KLHL1: variants seen among roughly 807,000 people sequenced by gnomAD.
The protein encoded by KLHL1 is kelch-like protein 1.
Under a neutral mutation model 77.7 loss-of-function variants are expected in KLHL1, and 47 were observed. The observed-to-expected ratio is 0.60, with a 90% CI of 0.48 to 0.77. The LOEUF (loss-of-function observed/expected upper bound fraction) is 0.77, where lower values mean the gene tolerates loss of function less well. Among genes scored for constraint, KLHL1 ranks in the 30% least tolerant of loss-of-function variants. The pLI is 0.00. For missense variants in KLHL1, 925 were observed against 910.8 expected (o/e 1.02, Z -0.20); for synonymous variants, 360 against 325.2 (o/e 1.11, Z -1.15).
intron 1 of KLHL1, among the ~76,000 whole-genome samples, chr13:70,018,264 A>G (rs1217727402): frequency 6.6e-6 from 1 of 152,202 alleles, no homozygotes. Context: ...TCCTAAAGTT[A>G]TAAATTAGAA....
intron 4 of KLHL1, among the ~76,000 whole-genome samples, chr13:69,896,665 T>A (rs1441425531): frequency 6.7e-6 from 1 of 149,102 alleles, no homozygotes; most frequent in East Asian, 1.9e-4. Flanking sequence ...CGTCAAAGTA[T>A]TAAAATTTTT....
At chr13:70,058,592 A>G (rs968091529) in intron 1 of KLHL1, among the ~76,000 whole-genome samples, 5 of 152,198 alleles carry the variant, frequency 3.3e-5, no homozygotes, top group Non-Finnish European at 5.9e-5. Flanking sequence ...ATGGAAAAAT[A>G]TTGCATGTCC....
rs139366197 is a variant in KLHL1 at position 70,042,078 on chromosome 13, G to C, written c.497+65125C>G. ...CTAGAAAAAGCAGGCTTATCCTAGGGCTTCTTTTTTCCCCACTTCTTGTTG... is the reference window on the plus strand; with the variant it reads ...CTAGAAAAAGCAGGCTTATCCTAGGCCTTCTTTTTTCCCCACTTCTTGTTG... On this transcript the variant is annotated intron_variant, in intron 1 of 10. Transcript: ENST00000377844. Among the ~76,000 whole-genome samples the C allele has an allele frequency of 5.8e-4, 88 of 152,064 alleles. 3 individuals carry two copies. The East Asian group carries it at 0.012, about 20-fold the overall frequency.
chr13:69,834,346 T>TA (rs565424961), intron 6 of KLHL1, among the ~76,000 whole-genome samples: 5 of 151,758 alleles, frequency 3.3e-5, no homozygotes, highest in African/African-American at 7.3e-5. Flanking sequence ...ATCTATTACT[T>TA]AAAAAAAATC....
intron 5 of KLHL1, among the ~76,000 whole-genome samples, chr13:69,855,363 C>G (rs75898010): frequency 0.12 from 17,264 of 139,806 alleles, 1,301 homozygotes; most frequent in African/African-American, 0.17. Flanking sequence ...CAGATAGATA[C>G]ATAGAGAGAT....
chr13:69,862,609 C>T (rs573772251), intron 5 of KLHL1, among the ~76,000 whole-genome samples: 1 of 151,990 alleles, frequency 6.6e-6, no homozygotes, highest in Non-Finnish European at 1.5e-5. Flanking sequence ...AATTGTGTCC[C>T]CTCAAAATTC....
At chr13:70,033,306 T>C (rs1397123440) in intron 1 of KLHL1, among the ~76,000 whole-genome samples, 1 of 152,120 alleles carries the variant, frequency 6.6e-6, no homozygotes, top group Non-Finnish European at 1.5e-5. Context: ...TTGTTTTGTT[T>C]TGAGACAGAG....
At chr13:69,716,491 A>C (rs1325212397) in intron 9 of KLHL1, among the ~76,000 whole-genome samples, 1 of 152,192 alleles carries the variant, frequency 6.6e-6, no homozygotes, top group East Asian at 1.9e-4. Context: ...TTTCTGGTCA[A>C]ATTTGCAATA....
At chr13:69,717,002 A>G (rs1187441979) in intron 9 of KLHL1, among the ~76,000 whole-genome samples, 2 of 152,120 alleles carry the variant, frequency 1.3e-5, no homozygotes, top group African/African-American at 2.4e-5. Context: ...AAACTATTCT[A>G]AAGTCCTCAT....
In KLHL1 at chr13:69,899,666, T is replaced by C. The variant is rs115091984; in HGVS notation, c.1015-17171A>G. ...TTAGTTAGGAACATACACGGCTTTC[T>C]AGGCACTGGCAAATAGCTTTGCTAG... On this transcript the variant is annotated intron_variant, in intron 4 of 10. Coordinates refer to ENST00000377844, the MANE Select transcript of KLHL1 (RefSeq NM_020866.3). Among the ~76,000 whole-genome samples, 948 of 152,228 alleles carry C rather than the reference T, an allele frequency of 6.2e-3. 13 individuals carry two copies. Among genetic ancestry groups the C allele is most frequent in the African/African-American group, 0.022 (917 of 41,538 alleles).
At chr13:69,982,952 G>T (rs910339426) in intron 1 of KLHL1, among the ~76,000 whole-genome samples, 1 of 152,064 alleles carries the variant, frequency 6.6e-6, no homozygotes, top group Non-Finnish European at 1.5e-5. Context: ...GATTTTATAT[G>T]TAGAAAACCT....
chr13:69,722,104 C>T (rs144958985), intron 8 of KLHL1, among the ~76,000 whole-genome samples: 15 of 152,106 alleles, frequency 9.9e-5, no homozygotes, highest in Admixed American at 2.6e-4. Flanking sequence ...TTCTGTGAGA[C>T]ACCTAGCACA....
At chr13:69,935,291 A>G (rs1397898756) in intron 4 of KLHL1, among the ~76,000 whole-genome samples, 1 of 37,084 alleles carries the variant, frequency 2.7e-5, no homozygotes, top group African/African-American at 1.2e-4. Context: ...ATAGCAGTCA[A>G]TAGTCACTAT....
chr13:69,734,257 C>T (rs1301868324), intron 8 of KLHL1, among the ~76,000 whole-genome samples: 1 of 152,106 alleles, frequency 6.6e-6, no homozygotes, highest in East Asian at 1.9e-4. Context: ...GTGCCTGCTC[C>T]CCCCTGGCCT....
At chr13:69,994,253 G>T (rs1366994658) in intron 1 of KLHL1, among the ~76,000 whole-genome samples, 1 of 152,076 alleles carries the variant, frequency 6.6e-6, no homozygotes, top group Non-Finnish European at 1.5e-5. Flanking sequence ...CTATTAATGA[G>T]GCCTGGTTGG....
chr13:70,004,558 T>C (rs1323059702), intron 1 of KLHL1, among the ~76,000 whole-genome samples: 1 of 151,914 alleles, frequency 6.6e-6, no homozygotes, highest in Non-Finnish European at 1.5e-5. Flanking sequence ...TGTATTATAG[T>C]CTTTGTTGAT....
At chr13:69,924,718 CAAG>C (rs532931148) in intron 4 of KLHL1, among the ~76,000 whole-genome samples, 58 of 152,320 alleles carry the variant, frequency 3.8e-4, no homozygotes, top group East Asian at 7.8e-4. Context: ...TTGTGTACAA[CAAG>C]AAGGAGAGAA....
chr13:69,747,632 A>C (rs1874273942), intron 7 of KLHL1, among the ~76,000 whole-genome samples: 1 of 152,026 alleles, frequency 6.6e-6, no homozygotes, highest in African/African-American at 2.4e-5. Flanking sequence ...TCCTATAAGC[A>C]TATAAAAATG....
intron 5 of KLHL1, among the ~76,000 whole-genome samples, chr13:69,881,613 A>C (rs534104308): frequency 1.3e-5 from 2 of 152,320 alleles, no homozygotes; most frequent in South Asian, 4.1e-4. Context: ...TACAAGACTC[A>C]GAATCAGAGA....
Sources: allele counts gnomAD v4.1 joint callset (sites outside exome capture counted in the v4.1 genomes callset), GRCh38; gene constraint gnomAD v4.1.1; transcripts MANE v1.5; gene names NCBI Gene and HGNC (gene_info 2026-07-23, HGNC 2026-07-21).